HDLBP: variants seen among roughly 807,000 people sequenced by gnomAD.
HDLBP encodes the protein vigilin.
A neutral mutation model predicts 137.3 loss-of-function variants in HDLBP; 30 were observed. The ratio of observed to expected loss-of-function variants is 0.22; its 90% confidence interval spans 0.16 to 0.30. The LOEUF (loss-of-function observed/expected upper bound fraction) is 0.30, where lower values mean the gene tolerates loss of function less well. Ranked by LOEUF, HDLBP falls within the 10% of genes least tolerant of loss-of-function variation. The pLI is 1.00. For synonymous variants in HDLBP, 606 were observed against 596.0 expected (o/e 1.02, Z -0.24); for missense variants, 1,119 against 1,667.3 (o/e 0.67, Z 5.73).
At chr2:241,258,178 C>G (rs1179602143) in intron 5 of HDLBP, among the ~76,000 whole-genome samples, 1 of 151,228 alleles carries the variant, frequency 6.6e-6, no homozygotes, top group Non-Finnish European at 1.5e-5. Flanking sequence ...GTGGGTGGAT[C>G]ACGAGGTCAC....
chr2:241,271,818 A>C (rs1331936591), intron 1 of HDLBP: 1 of 152,260 alleles, frequency 6.6e-6, no homozygotes, highest in East Asian at 1.9e-4. Context: ...AGAATGGGAA[A>C]ATAAAATCCT....
chr2:241,229,326 C>A lies in HDLBP; in HGVS notation c.*275G>T. ...GAAGGCCAGAGTGCTGACTGACATG[C>A]CGGGTGGACCAGGAGCTGGAGTCTG... On this transcript the variant is annotated 3_prime_UTR_variant, in exon 28 of 28. Transcript: ENST00000310931. 1 of 368,436 alleles carries A rather than the reference C, an allele frequency of 2.7e-6. No individual in the cohort carries two copies. The allele number at this position is 368,436 out of a possible 1,614,324, so 22.8% of individuals were successfully genotyped here.
At chr2:241,267,678 C>A in intron 2 of HDLBP, 4 of 1,535,614 alleles carry the variant, frequency 2.6e-6, no homozygotes, top group Non-Finnish European at 3.5e-6. Context: ...ACCTCCAAAT[C>A]TCGACTTAAC....
At position 241,240,243 on chromosome 2, in the gene HDLBP, A is replaced by C; in HGVS notation, c.2170-121T>G. The stretch of plus-strand genomic sequence containing the variant: ...CCCTTACATTGTCACCAGTGTCCTG[A>C]TGTTGCACCAATACCCCCAAAATGG... On this transcript the variant is annotated intron_variant, in intron 17 of 27. Coordinates refer to ENST00000310931, the MANE Select transcript of HDLBP (RefSeq NM_005336.6). The surrounding 1 kb of genome is among the most constrained non-coding windows in gnomAD (Gnocchi z 5.5). The C allele has an allele frequency of 1.1e-6, 1 of 925,606 alleles. No homozygotes were observed. The highest frequency in any genetic ancestry group is 2.5e-5 in the East Asian group (1 of 40,610). The allele number at this position is 925,606 out of a possible 1,614,324, so 57.3% of individuals were successfully genotyped here.
At chr2:241,297,486 G>C (rs1370967533) in intron 1 of HDLBP, among the ~76,000 whole-genome samples, 2 of 152,170 alleles carry the variant, frequency 1.3e-5, no homozygotes, top group African/African-American at 4.8e-5. Flanking sequence ...TAAAAAATGA[G>C]ACTGTGTTAA....
At chr2:241,273,615 A>G in intron 1 of HDLBP, 1 of 985,370 alleles carries the variant, frequency 1.0e-6, no homozygotes. Flanking sequence ...ATCTGTAGAG[A>G]TGTCAGTCTG....
chr2:241,233,986 T>A lies in HDLBP; in HGVS notation c.3145-23A>T. ...AGCCTACAAATGAAAGGAGCAAGAATGAGGCAAAGATTGAGCTGATCCACC... is the reference window on the plus strand; with the variant it reads ...AGCCTACAAATGAAAGGAGCAAGAAAGAGGCAAAGATTGAGCTGATCCACC... On this transcript the variant is annotated intron_variant, in intron 23 of 27. Coordinates refer to ENST00000310931, the MANE Select transcript of HDLBP (RefSeq NM_005336.6). The surrounding 1 kb of genome is among the most constrained non-coding windows in gnomAD (Gnocchi z 4.3). The A allele has an allele frequency of 1.9e-6, 3 of 1,613,908 alleles. No homozygotes were observed. The highest frequency in any genetic ancestry group is 2.5e-6 in the Non-Finnish European group (3 of 1,179,806).
chr2:241,272,653 C>G lies in HDLBP; in HGVS notation c.-102-4112G>C. On this transcript the variant is annotated intron_variant, in intron 1 of 27. Coordinates refer to ENST00000310931, the MANE Select transcript of HDLBP (RefSeq NM_005336.6). This position sits in a 1 kb window ranked among gnomAD's most constrained non-coding sequence, Gnocchi z 5.6. Reference sequence around the variant, plus strand: ...GGGCCGCGGCACCCGGGCCCCTCCCCCTCCGCGGCCTCCACGTCAGCAGCC... The same window carrying G: ...GGGCCGCGGCACCCGGGCCCCTCCCGCTCCGCGGCCTCCACGTCAGCAGCC... 2.1e-6 allele frequency: 2 copies of G among 931,450 alleles called. No homozygotes were observed. Among genetic ancestry groups the G allele is most frequent in the Admixed American group, 6.3e-5 (1 of 15,926 alleles). 57.7% of individuals were successfully genotyped at this position (931,450 alleles called of 1,614,324 possible). A position where few individuals can be genotyped will look rare whatever the true frequency, so the allele number is the denominator to read the frequency against.
At chr2:241,294,669 G>A (rs2075117195) in intron 1 of HDLBP, among the ~76,000 whole-genome samples, 1 of 152,052 alleles carries the variant, frequency 6.6e-6, no homozygotes, top group African/African-American at 2.4e-5. Flanking sequence ...GCCCAAGCTA[G>A]AAAACATGTA....
At position 241,230,716 on chromosome 2, in the gene HDLBP, G is replaced by A. The variant is rs375648819; in HGVS notation, c.3474+43C>T. 48 of 1,574,244 alleles carry A rather than the reference G, an allele frequency of 3.0e-5. No individual in the cohort carries two copies. Among genetic ancestry groups the A allele is most frequent in the African/African-American group, 4.0e-5 (3 of 74,158 alleles). On this transcript the variant is annotated intron_variant, in intron 25 of 27. Transcript: ENST00000310931. This position sits in a 1 kb window ranked among gnomAD's most constrained non-coding sequence, Gnocchi z 5.0. ...TTCTTCTGGCCAGCCAGGTGCCCCC[G>A]GTGAGAGAGGATTCTCACCCACTGT... is the stretch of plus-strand genomic sequence containing the variant.
chr2:241,278,210 G>T (rs2074466347), intron 1 of HDLBP, among the ~76,000 whole-genome samples: 1 of 152,112 alleles, frequency 6.6e-6, no homozygotes, highest in Non-Finnish European at 1.5e-5. Flanking sequence ...TAATGTGGGG[G>T]GGTACAATAT....
At chr2:241,305,886 G>C (rs1023966233) in intron 1 of HDLBP, among the ~76,000 whole-genome samples, 1 of 148,352 alleles carries the variant, frequency 6.7e-6, no homozygotes, top group African/African-American at 2.5e-5. Context: ...TCAGCCTCCC[G>C]AGTAGCTGGG....
Position 241,255,554 on chromosome 2 carries a change from C to T in HDLBP, c.900G>A (p.Val300=). The T allele has an allele frequency of 6.2e-7, 1 of 1,613,940 alleles. No homozygotes were observed. Among genetic ancestry groups the T allele is most frequent in the Non-Finnish European group, 8.5e-7 (1 of 1,179,798 alleles). ...ACTTGTGTTGGGATTTCTTCACTTC[C>T]ACTGCAATGGTTGTAGTCTTCTTTT... ...EKKKKTTTIA[V]EVKKSQHKYV... Residue 300 remains valine, a synonymous_variant, in exon 8 of 28, where the codon GTG becomes GTA. Coordinates refer to ENST00000310931, the MANE Select transcript of HDLBP (RefSeq NM_005336.6).
At position 241,229,300 on chromosome 2, in the gene HDLBP, T is replaced by C. The variant is rs1392783253; in HGVS notation, c.*301A>G. The C allele has an allele frequency of 3.1e-6, 1 of 318,514 alleles. No homozygotes were observed. The highest frequency in any genetic ancestry group is 6.0e-6 in the Non-Finnish European group (1 of 167,774). 19.7% of individuals were successfully genotyped at this position (318,514 alleles called of 1,614,324 possible). On this transcript the variant is annotated 3_prime_UTR_variant, in exon 28 of 28. Coordinates refer to ENST00000310931, the MANE Select transcript of HDLBP (RefSeq NM_005336.6). The stretch of plus-strand genomic sequence containing the variant: ...AGCCACGGCTGCGGAGCTCTCGTGA[T>C]GAAGGCCAGAGTGCTGACTGACATG...
rs2070882137 is a variant in HDLBP, at chr2:241,238,852, C to T, written c.2611-65G>A. ...ATTAAATTCCTTAGGGCAAGTTTTA[C>T]AGCACTCTTCACACCACCTTCCTCC... On this transcript the variant is annotated intron_variant, in intron 19 of 27. Transcript: ENST00000310931. The surrounding 1 kb of genome is among the most constrained non-coding windows in gnomAD (Gnocchi z 4.9). 3.0e-6 allele frequency: 4 copies of T among 1,338,040 alleles called. No individual in the cohort carries two copies. The highest frequency in any genetic ancestry group is 3.2e-5 in the South Asian group (2 of 61,814). 82.9% of individuals were successfully genotyped at this position (1,338,040 alleles called of 1,614,324 possible). A position where few individuals can be genotyped will look rare whatever the true frequency, so the allele number is the denominator to read the frequency against.
chr2:241,235,779 C>T (rs1211200148), intron 21 of HDLBP, 185 bp from the exon 22 acceptor site: 1 of 574,320 alleles, frequency 1.7e-6, no homozygotes, highest in East Asian at 2.8e-5. Flanking sequence ...TTGCATTAGG[C>T]TAATGCTGGC....
chr2:241,275,423 A>C, intron 1 of HDLBP, among the ~76,000 whole-genome samples: 1 of 152,242 alleles, frequency 6.6e-6, no homozygotes, highest in African/African-American at 2.4e-5. Flanking sequence ...TGAAAGAGCT[A>C]AGAACCATGG....
At chr2:241,298,067 AAAAAAAAAAAAAAAAG>A (rs2075250867) in intron 1 of HDLBP, among the ~76,000 whole-genome samples, 2 of 143,914 alleles carry the variant, frequency 1.4e-5, no homozygotes, top group East Asian at 2.0e-4. Context: ...AAAAAAAAAA[AAAAAAAAAAAAAAAAG>A]GGCCAGGCAT....
intron 11 of HDLBP, among the ~76,000 whole-genome samples, 200 bp downstream of exon 11, chr2:241,252,757 G>A (rs1246690531): frequency 2.6e-5 from 4 of 152,232 alleles, no homozygotes; most frequent in African/African-American, 9.6e-5. Context: ...TGGCCAAGCA[G>A]CTCTAATCCA....
Sources: gnomAD v4.1 joint callset for allele counts (sites outside exome capture counted in the v4.1 genomes callset) on GRCh38, gnomAD v4.1.1 for gene constraint, Gnocchi (gnomAD v3.1) non-coding constraint, MANE v1.5 for transcripts, NCBI Gene and HGNC (gene_info 2026-07-23, HGNC 2026-07-21) for gene names.